Variants in SORBS2 observed in about 807,000 individuals in gnomAD.
The protein encoded by SORBS2 is sorbin and SH3 domain containing 2, also known as sorbin and SH3 domain-containing protein 2.
A neutral mutation model predicts 97.7 loss-of-function variants in SORBS2; 46 were observed. That is an observed-to-expected ratio of 0.47 (90% CI 0.37 to 0.60). The LOEUF is 0.60. Ranked by LOEUF, SORBS2 falls within the 20% of genes least tolerant of loss-of-function variation. The pLI is 0.00. For synonymous variants in SORBS2, 476 were observed against 473.4 expected (o/e 1.01, Z -0.07); for missense variants, 1,316 against 1,282.3 (o/e 1.03, Z -0.40).
At chr4:185,905,809 A>G (rs1353162344) in intron 1 of SORBS2, among the ~76,000 whole-genome samples, 1 of 152,172 alleles carries the variant, frequency 6.6e-6, no homozygotes, top group Non-Finnish European at 1.5e-5. Context: ...GTAGTGACCC[A>G]ATATGAATTT....
intron 1 of SORBS2, among the ~76,000 whole-genome samples, chr4:185,653,222 G>C (rs780062830): frequency 6.6e-6 from 1 of 152,158 alleles, no homozygotes; most frequent in Non-Finnish European, 1.5e-5. Flanking sequence ...CTATTTACTA[G>C]TCTAAGCTAC....
chr4:185,812,897 C>A (rs918860732), intron 1 of SORBS2: 2 of 152,044 alleles, frequency 1.3e-5, no homozygotes, highest in African/African-American at 4.8e-5. Context: ...ATTAAAAATT[C>A]TTTTTAAAAA....
At chr4:185,878,578 C>A (rs1185066028) in intron 1 of SORBS2, among the ~76,000 whole-genome samples, 2 of 152,154 alleles carry the variant, frequency 1.3e-5, no homozygotes, top group Non-Finnish European at 2.9e-5. Flanking sequence ...CTGAATAGAA[C>A]GATCGCCCAT....
intron 11 of SORBS2, chr4:185,614,595 A>G (rs1294588309): frequency 2.1e-6 from 1 of 476,756 alleles, no homozygotes; most frequent in Non-Finnish European, 3.7e-6. Flanking sequence ...TTCCCAGACT[A>G]AGCCACAGAG....
upstream of SORBS2, among the ~76,000 whole-genome samples, chr4:185,661,276 GAAA>G (rs3080187): frequency 7.1e-6 from 1 of 141,250 alleles, no homozygotes. Context: ...ACTCCATCTT[GAAA>G]AAAAAAAAAA....
intron 2 of SORBS2, among the ~76,000 whole-genome samples, chr4:185,734,966 T>G (rs553738801): frequency 1.3e-5 from 2 of 152,382 alleles, no homozygotes; most frequent in South Asian, 4.1e-4. Flanking sequence ...CAGGGACTGC[T>G]CTCTACAACT....
intron 1 of SORBS2, among the ~76,000 whole-genome samples, chr4:185,792,418 C>T (rs2099084435): frequency 6.6e-6 from 1 of 152,036 alleles, no homozygotes; most frequent in African/African-American, 2.4e-5. Context: ...TGCTTGAACC[C>T]AGGAGGCAGA....
At chr4:185,817,861 G>C (rs144302488) in intron 1 of SORBS2, among the ~76,000 whole-genome samples, 1 of 152,286 alleles carries the variant, frequency 6.6e-6, no homozygotes, top group Non-Finnish European at 1.5e-5. Context: ...GGGTCACCTT[G>C]TGTCTTCTAG....
chr4:185,832,369 CA>C (rs924091044), intron 1 of SORBS2, among the ~76,000 whole-genome samples: 1 of 152,140 alleles, frequency 6.6e-6, no homozygotes, highest in African/African-American at 2.4e-5. Context: ...AGCCTTAAAT[CA>C]AAAATTTACC....
At chr4:185,771,471 A>G (rs372338408) in intron 2 of SORBS2, 13 of 152,312 alleles carry the variant, frequency 8.5e-5, no homozygotes, top group African/African-American at 2.6e-4. Flanking sequence ...GGGCTATCAA[A>G]TCACATATGC....
rs1041850616 is a variant in SORBS2 at position 185,607,564 on chromosome 4, T to A, written c.2796+4216A>T. 9.9e-5 allele frequency among the ~76,000 whole-genome samples: 15 copies of A among 152,180 alleles called. No homozygotes were observed. Among genetic ancestry groups the A allele is most frequent in the African/African-American group, 3.4e-4 (14 of 41,452 alleles). ...AATACATAAAATCATTTATGTTAAT[T>A]AGAAAAGTTACTTCACAAATGAAAC... On this transcript the variant is annotated intron_variant, in intron 12 of 14. Transcript: ENST00000418609. The surrounding 1 kb of genome is among the most constrained non-coding windows in gnomAD (Gnocchi z 5.2).
chr4:185,693,017 A>G (rs2098122385), intron 2 of SORBS2, among the ~76,000 whole-genome samples: 1 of 152,170 alleles, frequency 6.6e-6, no homozygotes, highest in East Asian at 1.9e-4. Context: ...TCAGTGTCAT[A>G]TCGTTGTCCG....
rs1260214439 is a variant in SORBS2 at position 185,697,085 on chromosome 4, C to A, written c.-197-18263G>T. The stretch of plus-strand genomic sequence containing the variant: ...GAAATAGGCAAAGCTTGACTCAAAT[C>A]CCAGTTCTGCCCATTTCTATGCATC... On this transcript the variant is annotated intron_variant, in intron 2 of 20. Coordinates refer to the SORBS2 transcript ENST00000284776. 3.9e-5 allele frequency among the ~76,000 whole-genome samples: 6 copies of A among 152,276 alleles called. No individual in the cohort carries two copies. The East Asian group carries it at 9.6e-4, about 24-fold the overall frequency.
chr4:185,687,742 T>C (rs2097996789), intron 2 of SORBS2, among the ~76,000 whole-genome samples: 1 of 152,216 alleles, frequency 6.6e-6, no homozygotes, highest in South Asian at 2.1e-4. Context: ...AGGCTCTGTC[T>C]TTAATAAAGT....
chr4:185,639,113 C>G, intron 4 of SORBS2, 78 bp from the exon 14 acceptor site: 2 of 1,320,400 alleles, frequency 1.5e-6, no homozygotes, highest in South Asian at 3.0e-5. Flanking sequence ...CCTGGCAGCG[C>G]GCTGTGCCTG....
intron 12 of SORBS2, among the ~76,000 whole-genome samples, chr4:185,595,177 T>TA (rs2096056864): frequency 6.6e-6 from 1 of 152,310 alleles, no homozygotes; most frequent in African/African-American, 2.4e-5. Flanking sequence ...CTCACAGTAC[T>TA]AAAACTGTAA....
At chr4:185,795,324 G>C (rs947353598) in intron 1 of SORBS2, among the ~76,000 whole-genome samples, 2 of 152,072 alleles carry the variant, frequency 1.3e-5, no homozygotes, top group Non-Finnish European at 2.9e-5. Context: ...GGGCAGCTTC[G>C]GCAATTCCTT....
At chr4:185,761,284 G>A (rs2098888508) in intron 2 of SORBS2, among the ~76,000 whole-genome samples, 1 of 152,142 alleles carries the variant, frequency 6.6e-6, no homozygotes, top group Admixed American at 6.5e-5. Flanking sequence ...TGTACCGAAA[G>A]CTTAAGTTTT....
rs532280182 is a variant in SORBS2 at position 185,636,765 on chromosome 4, C to T, written c.397-6167G>A. Among the ~76,000 whole-genome samples the T allele has an allele frequency of 7.9e-5, 12 of 152,038 alleles. No individual in the cohort carries two copies. In the East Asian group the frequency reaches 1.9e-3, roughly 25 times the overall value. On this transcript the variant is annotated intron_variant, in intron 4 of 14. Coordinates refer to ENST00000418609, the Ensembl canonical transcript of SORBS2. Reference sequence around the variant, plus strand: ...CCAGGTTCAAGCGATTCTCCTGCCTCGGTCTCCCAAGTAGCTGGGACTACA... The same window carrying T: ...CCAGGTTCAAGCGATTCTCCTGCCTTGGTCTCCCAAGTAGCTGGGACTACA...
Sources: gnomAD v4.1 joint callset for allele counts (sites outside exome capture counted in the v4.1 genomes callset) on GRCh38, gnomAD v4.1.1 for gene constraint, Gnocchi (gnomAD v3.1) non-coding constraint, MANE v1.5 for transcripts, NCBI Gene and HGNC (gene_info 2026-07-23, HGNC 2026-07-21) for gene names.